UNC13C: variants seen among roughly 807,000 people sequenced by gnomAD.
UNC13C encodes protein unc-13 homolog C.
In UNC13C, 174 loss-of-function variants were observed where a neutral mutation model predicts 245.4. The ratio of observed to expected loss-of-function variants is 0.71; its 90% CI spans 0.63 to 0.80. The LOEUF is 0.80. Ranked by LOEUF, UNC13C falls within the 30% of genes least tolerant of loss-of-function variation. The pLI, the probability that UNC13C is intolerant of heterozygous loss-of-function variation, is 0.00. For missense variants in UNC13C, 2,829 were observed against 2,602.9 expected, an observed-to-expected ratio of 1.09 and a Z score of -1.89; for synonymous variants, 992 against 895.1, an observed-to-expected ratio of 1.11 and a Z score of -1.93.
At chr15:54,356,034 A>G (rs28431986) in intron 17 of UNC13C, among the ~76,000 whole-genome samples, 71,216 of 152,016 alleles carry the variant, frequency 0.47, 17,049 homozygotes, top group East Asian at 0.74. Flanking sequence ...ATGTCTTTGA[A>G]ATGGTTTCAT....
At chr15:54,455,237 ATGTTTT>A (rs1891444922) in intron 19 of UNC13C, among the ~76,000 whole-genome samples, 1 of 89,726 alleles carries the variant, frequency 1.1e-5, no homozygotes, top group Non-Finnish European at 2.2e-5. Flanking sequence ...ATATATATAT[ATGTTTT>A]TTAATCCACT....
chr15:54,032,807 C>T (rs1245512079), intron 2 of UNC13C, among the ~76,000 whole-genome samples: 1 of 152,126 alleles, frequency 6.6e-6, no homozygotes. Flanking sequence ...AATAGATTTT[C>T]CTTTAAATGA....
chr15:54,606,358 A>G (rs578165479), intron 30 of UNC13C, among the ~76,000 whole-genome samples: 16 of 152,242 alleles, frequency 1.1e-4, no homozygotes, highest in Admixed American at 9.2e-4. Context: ...TTTATTTTAA[A>G]ACAAATTTAA....
intron 30 of UNC13C, among the ~76,000 whole-genome samples, chr15:54,595,418 G>A (rs79942106): frequency 6.6e-6 from 1 of 152,182 alleles, no homozygotes; most frequent in South Asian, 2.1e-4. Context: ...AGCACTCAAA[G>A]TATTTGGGGT....
At chr15:54,613,065 TTTAGAAGCAGACAACATAA>T (rs1900208672) in intron 30 of UNC13C, among the ~76,000 whole-genome samples, 1 of 151,824 alleles carries the variant, frequency 6.6e-6, no homozygotes, top group African/African-American at 2.4e-5. Context: ...TCTAAACAAT[TTTAGAAGCAGACAACATAA>T]TTACCTACAT....
intron 25 of UNC13C, among the ~76,000 whole-genome samples, chr15:54,531,826 G>A (rs1185725791): frequency 2.0e-5 from 3 of 151,984 alleles, no homozygotes; most frequent in Non-Finnish European, 4.4e-5. Flanking sequence ...TTAGCAATAA[G>A]TCCCATTCCA....
intron 19 of UNC13C, among the ~76,000 whole-genome samples, chr15:54,467,783 G>A (rs918668514): frequency 6.6e-6 from 1 of 151,650 alleles, no homozygotes; most frequent in African/African-American, 2.4e-5. Context: ...TGTCAAAAAT[G>A]TCAGACTGCC....
chr15:54,552,487 A>G (rs1896806038), intron 28 of UNC13C, among the ~76,000 whole-genome samples: 3 of 46,002 alleles, frequency 6.5e-5, no homozygotes, highest in Non-Finnish European at 9.9e-5. Flanking sequence ...ATATAATTAT[A>G]TATTATATTA....
downstream of UNC13C, chr15:54,632,668 C>A (rs1901476638): frequency 6.6e-6 from 1 of 152,202 alleles, no homozygotes; most frequent in Non-Finnish European, 1.5e-5. Flanking sequence ...GTACCTTCAT[C>A]ATAAATCAAT....
intron 27 of UNC13C, 129 bp from the exon 28 acceptor site, chr15:54,549,506 A>T: frequency 2.9e-6 from 2 of 687,594 alleles, no homozygotes; most frequent in Non-Finnish European, 4.8e-6. Context: ...TAGACCAATT[A>T]AGGGCATCTG....
At chr15:53,919,873 A>G in the UNC13C span, among the ~76,000 whole-genome samples, 10 of 152,314 alleles carry the variant, frequency 6.6e-5, no homozygotes, top group Middle Eastern at 3.4e-3. Flanking sequence ...ATATTTTTAA[A>G]TGATTCTCTT....
chr15:53,876,079 T>G, the UNC13C span, among the ~76,000 whole-genome samples: 2 of 152,226 alleles, frequency 1.3e-5, no homozygotes, highest in African/African-American at 4.8e-5. Flanking sequence ...CTCTCTCCTG[T>G]TTAAGATAAA....
At chr15:53,945,080 A>G in the UNC13C span, among the ~76,000 whole-genome samples, 2 of 151,886 alleles carry the variant, frequency 1.3e-5, no homozygotes, top group African/African-American at 2.4e-5. Flanking sequence ...GTGCCTGTTC[A>G]TGTCCTTTGC....
chr15:54,256,193 A>C (rs538707880), intron 8 of UNC13C, among the ~76,000 whole-genome samples: 35 of 152,306 alleles, frequency 2.3e-4, no homozygotes, highest in African/African-American at 7.9e-4. Flanking sequence ...CACCAGGAAC[A>C]CACCCGTAGT....
intron 2 of UNC13C, among the ~76,000 whole-genome samples, chr15:54,135,417 A>G (rs774867721): frequency 5.9e-5 from 9 of 152,150 alleles, no homozygotes; most frequent in Non-Finnish European, 1.5e-5. Context: ...TTAAACTTTT[A>G]TCTTGGAGCT....
intron 24 of UNC13C, among the ~76,000 whole-genome samples, chr15:54,516,189 A>G (rs1049253566): frequency 2.6e-5 from 4 of 152,208 alleles, no homozygotes; most frequent in Admixed American, 1.3e-4. Flanking sequence ...TAGACCAGGA[A>G]GGAAAAACAT....
chr15:54,614,021 G>A (rs1900269703), intron 30 of UNC13C, among the ~76,000 whole-genome samples: 1 of 151,958 alleles, frequency 6.6e-6, no homozygotes, highest in South Asian at 2.1e-4. Context: ...AATAGCACAA[G>A]TAGTTCCCCA....
intron 10 of UNC13C, among the ~76,000 whole-genome samples, chr15:54,267,147 A>G (rs975492731): frequency 5.4e-5 from 8 of 149,276 alleles, no homozygotes; most frequent in African/African-American, 1.5e-4. Flanking sequence ...TGACATTTGT[A>G]TGTAAATATT....
intron 2 of UNC13C, among the ~76,000 whole-genome samples, chr15:54,136,840 T>G (rs1186318710): frequency 1.3e-5 from 1 of 78,342 alleles, no homozygotes; most frequent in Non-Finnish European, 2.6e-5. Context: ...TATTTTTGTG[T>G]ATCACTTTTT....
Sources: gnomAD v4.1 joint callset for allele counts (sites outside exome capture counted in the v4.1 genomes callset) on GRCh38, gnomAD v4.1.1 for gene constraint, MANE v1.5 for transcripts, NCBI Gene and HGNC (gene_info 2026-07-23, HGNC 2026-07-21) for gene names.